The following DDX46 variants were observed in gnomAD, a reference collection of about 807,000 sequenced individuals.
The protein encoded by DDX46 is DEAD-box helicase 46.
DDX46 carries 30 observed loss-of-function variants against 134.9 expected under a neutral mutation model. That is an observed-to-expected ratio of 0.22 (90% CI 0.17 to 0.30). The LOEUF (loss-of-function observed/expected upper bound fraction) is 0.30, where lower values mean the gene tolerates loss of function less well. Among genes scored for constraint, DDX46 ranks in the 10% least tolerant of loss-of-function variants. The pLI, the probability that DDX46 is intolerant of heterozygous loss-of-function variation, is 1.00. For missense variants in DDX46, 622 were observed against 1,248.7 expected (o/e 0.50, Z 7.56); for synonymous variants, 415 against 404.1 (o/e 1.03, Z -0.32).
At chr5:134,769,691 C>T (rs1446412339) in intron 3 of DDX46, among the ~76,000 whole-genome samples, 2 of 151,880 alleles carry the variant, frequency 1.3e-5, no homozygotes, top group Non-Finnish European at 2.9e-5. Context: ...GGATTACAGG[C>T]GCCTGCCACC....
intron 18 of DDX46, among the ~76,000 whole-genome samples, chr5:134,813,206 G>C (rs1366560014): frequency 3.9e-5 from 6 of 152,146 alleles, no homozygotes; most frequent in Non-Finnish European, 8.8e-5. Flanking sequence ...GCCTCCCAAA[G>C]TGCTCAGATT....
chr5:134,771,085 C>G, intron 4 of DDX46, 86 bp downstream of exon 4: 1 of 584,828 alleles, frequency 1.7e-6, no homozygotes, highest in African/African-American at 2.0e-5. Flanking sequence ...TTCTTTCTTT[C>G]TTTCTCTTTC....
In DDX46 at chr5:134,828,994, A is replaced by C. The variant is rs184598970; in HGVS notation, c.*288A>C. 14 of 230,926 alleles carry C rather than the reference A, an allele frequency of 6.1e-5. No homozygotes were observed. The East Asian group carries it at 1.1e-3, about 19-fold the overall frequency. The allele number at this position is 230,926 out of a possible 1,614,324, so 14.3% of individuals were successfully genotyped here. On this transcript the variant is annotated 3_prime_UTR_variant, in exon 23 of 23. Transcript: ENST00000452510. Reference sequence around the variant, plus strand: ...AATATTCTAGAGGTTTAAAAAATGGAAATATTTGAACTTTCTATTGAAGAC... The same window carrying C: ...AATATTCTAGAGGTTTAAAAAATGGCAATATTTGAACTTTCTATTGAAGAC...
At chr5:134,776,128 A>G (rs1380247075) in intron 5 of DDX46, among the ~76,000 whole-genome samples, 1 of 152,222 alleles carries the variant, frequency 6.6e-6, no homozygotes, top group Non-Finnish European at 1.5e-5. Context: ...GCGCTGGTGC[A>G]TGCCTGTAAT....
chr5:134,816,225 A>G (rs1254248865), intron 18 of DDX46, among the ~76,000 whole-genome samples: 1 of 152,202 alleles, frequency 6.6e-6, no homozygotes, highest in Non-Finnish European at 1.5e-5. Context: ...TCCCTACCAT[A>G]GACAACTGAT....
chr5:134,782,926 T>C lies in DDX46; in HGVS notation c.1046-19T>C, dbSNP rs1010682060. ...TAGAACAATATTTAAGAACTTTTAA[T>C]CTGGGTTTTGTTTTGTAGAGGTAAA... On this transcript the variant is annotated intron_variant, in intron 8 of 22. Transcript: ENST00000452510. The C allele has an allele frequency of 6.2e-7, 1 of 1,607,478 alleles. No homozygotes were observed. The highest frequency in any genetic ancestry group is 1.3e-5 in the African/African-American group (1 of 74,508).
intron 7 of DDX46, 70 bp from the exon 8 acceptor site, chr5:134,781,851 G>C (rs892397504): frequency 7.1e-7 from 1 of 1,412,828 alleles, no homozygotes; most frequent in African/African-American, 1.5e-5. Context: ...TGAAAAGCTA[G>C]GAGTATTGCT....
At position 134,788,496 on chromosome 5, in the gene DDX46, T is replaced by G; in HGVS notation, c.1465-17T>G. ...AAGCATTAGTAATAGACTATAAAGT[T>G]TCATCTTTTTTATTAGATTGCTGAG... On this transcript the variant is annotated splice_polypyrimidine_tract_variant and intron_variant, in intron 11 of 22. Transcript: ENST00000452510. 6.2e-7 allele frequency: 1 copy of G among 1,608,372 alleles called. No homozygotes were observed. Among genetic ancestry groups the G allele is most frequent in the Non-Finnish European group, 8.5e-7 (1 of 1,175,548 alleles).
chr5:134,797,813 T>A (rs1006074595), intron 15 of DDX46, among the ~76,000 whole-genome samples: 3 of 152,308 alleles, frequency 2.0e-5, no homozygotes, highest in Admixed American at 2.0e-4. Context: ...GAAAATGATT[T>A]TTTATTTATT....
chr5:134,808,517 G>A (rs1755054267), intron 16 of DDX46, among the ~76,000 whole-genome samples: 1 of 152,098 alleles, frequency 6.6e-6, no homozygotes, highest in Non-Finnish European at 1.5e-5. Flanking sequence ...CCATGGTAAA[G>A]TTGAAAAATT....
At chr5:134,820,538 T>C (rs971293298) in intron 21 of DDX46, among the ~76,000 whole-genome samples, 1 of 152,088 alleles carries the variant, frequency 6.6e-6, no homozygotes, top group African/African-American at 2.4e-5. Context: ...AATTTTTGTA[T>C]TTTTGGGTAG....
intron 15 of DDX46, among the ~76,000 whole-genome samples, chr5:134,798,899 A>G (rs760651664): frequency 9.9e-5 from 15 of 152,064 alleles, no homozygotes; most frequent in Admixed American, 5.2e-4. Flanking sequence ...AATATTTGGA[A>G]AAAAATTTGT....
rs375807877 is a variant in DDX46 at position 134,796,682 on chromosome 5, A to G, written c.1954+532A>G. Among the ~76,000 whole-genome samples, 37 of 150,722 alleles carry G rather than the reference A, an allele frequency of 2.5e-4. No homozygotes were observed. In the South Asian group the frequency reaches 7.1e-3, roughly 29 times the overall value. On this transcript the variant is annotated intron_variant, in intron 15 of 22. Transcript: ENST00000452510. ...AGTCTGGCCAACATGGCGAAACTCC[A>G]TCTGTACTAAAAATATAAAACTTAG...
At chr5:134,824,904 C>G (rs900217204) in intron 21 of DDX46, among the ~76,000 whole-genome samples, 7 of 152,330 alleles carry the variant, frequency 4.6e-5, no homozygotes, top group Admixed American at 3.9e-4. Context: ...GAAGGACTTA[C>G]ATGCCTAGTC....
At chr5:134,814,302 T>C (rs1376811631) in intron 18 of DDX46, among the ~76,000 whole-genome samples, 1 of 152,234 alleles carries the variant, frequency 6.6e-6, no homozygotes, top group East Asian at 1.9e-4. Context: ...ATGTATTCCA[T>C]GTGTAAAGGG....
intron 15 of DDX46, chr5:134,804,991 C>A: frequency 2.6e-6 from 1 of 382,024 alleles, no homozygotes; most frequent in South Asian, 2.3e-5. Context: ...GGGCACATGC[C>A]ACCTGCAGAT....
chr5:134,765,089 G>C (rs1415790847), intron 2 of DDX46, among the ~76,000 whole-genome samples: 1 of 144,102 alleles, frequency 6.9e-6, no homozygotes, highest in African/African-American at 2.6e-5. Flanking sequence ...TTTTTTTTGA[G>C]ACAGAGTCTC....
At chr5:134,795,936 G>A in intron 14 of DDX46, 52 bp from the exon 15 acceptor site, 2 of 1,512,618 alleles carry the variant, frequency 1.3e-6, no homozygotes, top group South Asian at 1.2e-5. Context: ...TCTGTCCAGG[G>A]GATCCATTTG....
In DDX46 at chr5:134,817,401, A is replaced by T. The variant is rs562119072; in HGVS notation, c.2614-95A>T. ...AGGTTTATTTATTAAACTTGCATACAAAGTTAGTAGCTTTTCAGAGAATAA... is the reference window on the plus strand; with the variant it reads ...AGGTTTATTTATTAAACTTGCATACTAAGTTAGTAGCTTTTCAGAGAATAA... On this transcript the variant is annotated intron_variant, in intron 19 of 22. Coordinates refer to ENST00000452510, the MANE Select transcript of DDX46 (RefSeq NM_001300860.2). 17 of 1,238,418 alleles carry T rather than the reference A, an allele frequency of 1.4e-5. No homozygotes were observed. The South Asian group carries it at 2.6e-4, about 19-fold the overall frequency. 76.7% of individuals were successfully genotyped at this position (1,238,418 alleles called of 1,614,324 possible).
Sources: gnomAD v4.1 joint callset for allele counts (sites outside exome capture counted in the v4.1 genomes callset) on GRCh38, gnomAD v4.1.1 for gene constraint, MANE v1.5 for transcripts, NCBI Gene and HGNC (gene_info 2026-07-23, HGNC 2026-07-21) for gene names.